Variants in ZC3H11A observed in about 807,000 individuals in gnomAD.
The protein encoded by ZC3H11A is zinc finger CCCH domain-containing protein 11A.
ZC3H11A carries 22 observed loss-of-function variants against 90.8 expected under a neutral mutation model. That is an observed-to-expected ratio of 0.24 (90% CI 0.17 to 0.35). ZC3H11A has a LOEUF of 0.35. ZC3H11A is among the 10% of genes least tolerant of loss of function. ZC3H11A has a pLI of 1.00. For synonymous variants in ZC3H11A, 294 were observed against 339.8 expected, an observed-to-expected ratio of 0.87 and a Z score of 1.48; for missense variants, 701 against 964.9, an observed-to-expected ratio of 0.73 and a Z score of 3.62.
intron 12 of ZC3H11A, among the ~76,000 whole-genome samples, chr1:203,841,063 C>T (rs1197526063): frequency 6.6e-6 from 1 of 152,032 alleles, no homozygotes; most frequent in East Asian, 1.9e-4. Flanking sequence ...GAAAAATCAA[C>T]TTGCATTGTA....
intron 4 of ZC3H11A, among the ~76,000 whole-genome samples, chr1:203,823,732 T>C (rs921941452): frequency 5.3e-5 from 8 of 152,214 alleles, no homozygotes; most frequent in Non-Finnish European, 8.8e-5. Context: ...TTTTTACACA[T>C]AGGTATTTAC....
At chr1:203,848,123 G>T (rs1480556602) in intron 13 of ZC3H11A, among the ~76,000 whole-genome samples, 1 of 152,182 alleles carries the variant, frequency 6.6e-6, no homozygotes, top group East Asian at 1.9e-4. Flanking sequence ...CTCCCAAAGT[G>T]CTGGGGTTAC....
At chr1:203,799,664 C>G (rs1293004723) in intron 1 of ZC3H11A, 3 of 705,166 alleles carry the variant, frequency 4.3e-6, no homozygotes, top group Admixed American at 2.0e-5. Flanking sequence ...AGGTGCTACC[C>G]CTAATCCATC....
At chr1:203,834,135 T>G in intron 10 of ZC3H11A, 1 of 1,059,700 alleles carries the variant, frequency 9.4e-7, no homozygotes, top group Non-Finnish European at 1.1e-6. Flanking sequence ...TGAACAAATT[T>G]AAATGTGAGT....
At chr1:203,836,398 T>C (rs1180750206) in intron 10 of ZC3H11A, among the ~76,000 whole-genome samples, 1 of 152,090 alleles carries the variant, frequency 6.6e-6, no homozygotes, top group Admixed American at 6.5e-5. Context: ...AGTCAAGTAA[T>C]CTAAAAAACC....
In ZC3H11A at chr1:203,828,386, C is replaced by G; in HGVS notation, c.262C>G (p.Arg88Gly). Residue 88 changes from arginine to glycine, a missense_variant, in exon 5 of 18, where the codon CGA (arginine) becomes GGA (glycine). By Grantham distance (125) the Arg-to-Gly change is moderately radical. Coordinates refer to ENST00000367210, the MANE Select transcript of ZC3H11A (RefSeq NM_001376342.1). ...CTGCGCTTTCCATCACAATAGAGGA[C>G]GATATGTTGATGGCCTTTTCCTACC... ...LNCAFHHNRG[R>G]YVDGLFLPPS... is the part of the protein sequence containing the mutation. 6.2e-7 allele frequency: 1 copy of G among 1,613,782 alleles called. No homozygotes were observed. The highest frequency in any genetic ancestry group is 8.5e-7 in the Non-Finnish European group (1 of 1,179,854).
At chr1:203,798,214 A>G in intron 1 of ZC3H11A, 1 of 1,536,200 alleles carries the variant, frequency 6.5e-7, no homozygotes. Context: ...ATGGGCAAGA[A>G]GCATGATAAA....
chr1:203,798,444 C>T (rs1363306555), intron 1 of ZC3H11A: 10 of 1,535,708 alleles, frequency 6.5e-6, no homozygotes, highest in East Asian at 2.4e-5. Context: ...AACACTTCAA[C>T]GACACCTGCA....
chr1:203,834,947 A>G (rs1683779342), intron 10 of ZC3H11A, among the ~76,000 whole-genome samples: 1 of 152,222 alleles, frequency 6.6e-6, no homozygotes. Flanking sequence ...CTGGCCTTCA[A>G]AAAATTATTT....
intron 1 of ZC3H11A, chr1:203,799,228 T>C: frequency 1.1e-6 from 1 of 883,838 alleles, no homozygotes; most frequent in South Asian, 1.4e-5. Context: ...TCCTCTAATG[T>C]GGTACATGCA....
intron 12 of ZC3H11A, among the ~76,000 whole-genome samples, chr1:203,842,332 T>C (rs985646564): frequency 1.3e-5 from 2 of 152,134 alleles, no homozygotes; most frequent in African/African-American, 4.8e-5. Context: ...TGAGCGAGAC[T>C]CCGTCTGCAA....
chr1:203,818,902 T>C (rs766384350), intron 4 of ZC3H11A, among the ~76,000 whole-genome samples: 22 of 151,744 alleles, frequency 1.4e-4, no homozygotes, highest in Non-Finnish European at 2.8e-4. Flanking sequence ...ACCCCATCTC[T>C]ACTAAAAATA....
chr1:203,818,714 T>G, intron 4 of ZC3H11A, 25 bp downstream of exon 4: 1 of 1,613,744 alleles, frequency 6.2e-7, no homozygotes, highest in Non-Finnish European at 8.5e-7. Context: ...TCCGTTATCA[T>G]AATAAGTAGT....
At chr1:203,832,201 G>A (rs1481965872) in intron 9 of ZC3H11A, among the ~76,000 whole-genome samples, 3 of 152,224 alleles carry the variant, frequency 2.0e-5, no homozygotes, top group East Asian at 1.9e-4. Flanking sequence ...TGGGATTATA[G>A]GCATGTGCCA....
chr1:203,840,481 C>A, intron 12 of ZC3H11A, 107 bp downstream of exon 12: 1 of 1,118,892 alleles, frequency 8.9e-7, no homozygotes, highest in Non-Finnish European at 1.3e-6. Flanking sequence ...GATTTTTGTT[C>A]TTTTGTAGTT....
At chr1:203,807,649 C>T (rs1384630772) in intron 2 of ZC3H11A, among the ~76,000 whole-genome samples, 1 of 152,102 alleles carries the variant, frequency 6.6e-6, no homozygotes, top group Non-Finnish European at 1.5e-5. Context: ...AGCTCAGCCT[C>T]CCAAGTAGCT....
At chr1:203,797,480 C>T in intron 1 of ZC3H11A, 46 of 1,447,268 alleles carry the variant, frequency 3.2e-5, no homozygotes, top group Non-Finnish European at 4.0e-5. Flanking sequence ...GAGTAATAAA[C>T]CCACTAACAG....
intron 1 of ZC3H11A, chr1:203,799,946 G>C (rs1670024772): frequency 1.3e-6 from 2 of 1,535,996 alleles, no homozygotes; most frequent in Admixed American, 2.0e-5. Context: ...CTTCACCAGA[G>C]ATCTGCCAAA....
At chr1:203,824,507 A>G (rs1021116855) in intron 4 of ZC3H11A, among the ~76,000 whole-genome samples, 5 of 152,112 alleles carry the variant, frequency 3.3e-5, no homozygotes, top group African/African-American at 7.2e-5. Context: ...TAACCCCCAA[A>G]TCAGTACTTG....
Sources: gnomAD v4.1 joint callset for allele counts (sites outside exome capture counted in the v4.1 genomes callset) on GRCh38, gnomAD v4.1.1 for gene constraint, MANE v1.5 for transcripts, NCBI Gene and HGNC (gene_info 2026-07-23, HGNC 2026-07-21) for gene names.